The following NCKAP5L variants were observed in gnomAD, a reference collection of about 807,000 sequenced individuals.
The protein encoded by NCKAP5L is nck-associated protein 5-like.
NCKAP5L carries 54 observed loss-of-function variants against 103.2 expected under a neutral mutation model. The observed-to-expected ratio is 0.52, with a 90% CI of 0.42 to 0.66. NCKAP5L has a LOEUF of 0.66. Among genes scored for constraint, NCKAP5L ranks in the 30% least tolerant of loss-of-function variants. NCKAP5L has a pLI of 0.00. For missense variants in NCKAP5L, 1,733 were observed against 1,750.6 expected (o/e 0.99, Z 0.18); for synonymous variants, 762 against 748.6 (o/e 1.02, Z -0.29).
chr12:49,796,512 G>A lies in NCKAP5L; in HGVS notation c.1348C>T (p.Pro450Ser), dbSNP rs1426374534. 1.9e-6 allele frequency: 3 copies of A among 1,560,686 alleles called. No homozygotes were observed. Among genetic ancestry groups the A allele is most frequent in the Non-Finnish European group, 1.7e-6 (2 of 1,156,504 alleles). ...AACTTGAGACCCCTAGCTGGAGAGG[G>A]CAGAAGGGGTCCCTGAGCTTCCCCA... ...SPGEAQGPLL[P>S]SPARGLKFLK... Residue 450 changes from proline (P) to serine (S), a missense_variant, in exon 8 of 13, where the codon CCC (proline) becomes TCC (serine). By Grantham distance (74) the Pro-to-Ser change is moderately conservative. Transcript: ENST00000335999.
chr12:49,810,594 C>T (rs1257982983), intron 1 of NCKAP5L, among the ~76,000 whole-genome samples: 1 of 152,212 alleles, frequency 6.6e-6, no homozygotes. Flanking sequence ...CTCTCATTCT[C>T]TCCTGAGTGT....
In NCKAP5L at chr12:49,795,965, T is replaced by G; in HGVS notation, c.1895A>C (p.His632Pro). 6.5e-7 allele frequency: 1 copy of G among 1,535,100 alleles called. No homozygotes were observed. Among genetic ancestry groups the G allele is most frequent in the Non-Finnish European group, 8.7e-7 (1 of 1,147,740 alleles). The change falls in exon 8 of 13, where the codon CAT becomes CCT. Residue 632 changes from histidine to proline, a missense_variant. Coordinates refer to ENST00000335999, the MANE Select transcript of NCKAP5L (RefSeq NM_001037806.4). ...SLDKAGSESP[H>P]PGRRTPGNSS... ...GTTGCCTGGGGTCCTGCGGCCGGGATGGGGAGACTCCGAGCCTGCCTTGTC... is the reference window on the plus strand; with the variant it reads ...GTTGCCTGGGGTCCTGCGGCCGGGAGGGGGAGACTCCGAGCCTGCCTTGTC...
In NCKAP5L at chr12:49,795,697, G is replaced by A; in HGVS notation, c.2163C>T (p.Ala721=). The change falls in exon 8 of 13, where the codon GCC becomes GCT. Residue 721 remains alanine, a synonymous_variant. Coordinates refer to ENST00000335999, the MANE Select transcript of NCKAP5L (RefSeq NM_001037806.4). ...SIHRPLEQLE[A]KGGIRGAVAL... ...CCACTGCCCCCCGTATCCCCCCCTT[G>A]GCTTCTAGCTGCTCCAGTGGCCTGT... 6.2e-7 allele frequency: 1 copy of A among 1,611,642 alleles called. No individual in the cohort carries two copies. The highest frequency in any genetic ancestry group is 8.5e-7 in the Non-Finnish European group (1 of 1,179,022).
chr12:49,794,118 G>A (rs1029285078), intron 8 of NCKAP5L, among the ~76,000 whole-genome samples: 1 of 152,204 alleles, frequency 6.6e-6, no homozygotes, highest in Non-Finnish European at 1.5e-5. Context: ...GGAGAAGATG[G>A]GAGAACTCCC....
rs1377753695 is a variant in NCKAP5L at position 49,808,660 on chromosome 12, G to A, written c.-98-2619C>T. ...TGCCTGCCTCTCATGGGGGATGCCT[G>A]CCCAGGCAGGCTTCGCAGTGGTGGT... is the stretch of plus-strand genomic sequence containing the variant. On this transcript the variant is annotated intron_variant, in intron 1 of 12. Transcript: ENST00000335999. Among the ~76,000 whole-genome samples the A allele has an allele frequency of 2.0e-5, 3 of 152,202 alleles. No individual in the cohort carries two copies. The East Asian group carries it at 5.8e-4, about 29-fold the overall frequency.
At chr12:49,821,808 T>C (rs201266040) in intron 1 of NCKAP5L, among the ~76,000 whole-genome samples, 2 of 152,358 alleles carry the variant, frequency 1.3e-5, no homozygotes, top group African/African-American at 4.8e-5. Context: ...AGGCCGCTCA[T>C]ATAGCTTGAG....
chr12:49,803,221 C>T (rs1946141086), intron 3 of NCKAP5L, 56 bp from the exon 4 acceptor site: 2 of 1,573,436 alleles, frequency 1.3e-6, no homozygotes, highest in Non-Finnish European at 1.7e-6. Flanking sequence ...TTATTCTTCC[C>T]CCAGGGCACA....
intron 1 of NCKAP5L, among the ~76,000 whole-genome samples, chr12:49,811,980 C>T (rs551625359): frequency 6.6e-6 from 1 of 152,282 alleles, no homozygotes; most frequent in South Asian, 2.1e-4. Flanking sequence ...TTTTTCAGTC[C>T]TCATTGCCAT....
chr12:49,792,932 G>T lies in NCKAP5L; in HGVS notation c.3395C>A (p.Pro1132Gln). 6.4e-7 allele frequency: 1 copy of T among 1,558,034 alleles called. No individual in the cohort carries two copies. Among genetic ancestry groups the T allele is most frequent in the South Asian group, 1.2e-5 (1 of 83,786 alleles). Residue 1132 changes from proline to glutamine, a missense_variant, in exon 11 of 13, where the codon CCA (proline) becomes CAA (glutamine). By Grantham distance (76) the Pro-to-Gln change is moderately conservative. Transcript: ENST00000335999. The surrounding 1 kb of genome is among the most constrained non-coding windows in gnomAD (Gnocchi z 4.5). ...GGGGGTCCCACTGCTACCATGGTCT[G>T]GGGGTGGGAAGGTCCCAATGCCACT... is the stretch of plus-strand genomic sequence containing the variant. ...LDSGIGTFPP[P>Q]DHGSSGTPSK...
chr12:49,819,601 T>C lies in NCKAP5L; in HGVS notation c.-99+8721A>G, dbSNP rs553642890. On this transcript the variant is annotated intron_variant, in intron 1 of 12. Transcript: ENST00000335999. Reference sequence around the variant, plus strand: ...CAGACAAATACCACGTGATCTCATATGTGGATTCTAAAAAGTTGAATGCAT... The same window carrying C: ...CAGACAAATACCACGTGATCTCATACGTGGATTCTAAAAAGTTGAATGCAT... 2.6e-5 allele frequency among the ~76,000 whole-genome samples: 4 copies of C among 152,244 alleles called. No individual in the cohort carries two copies. The South Asian group carries it at 8.3e-4, about 32-fold the overall frequency.
Position 49,796,286 on chromosome 12 carries a change from G to GGTGAA in NCKAP5L, c.1569_1573dup (p.Pro525LeufsTer65), listed in dbSNP as rs1402553433. The GGTGAA allele has an allele frequency of 6.5e-7, 1 of 1,549,044 alleles. No individual in the cohort carries two copies. The highest frequency in any genetic ancestry group is 1.9e-5 in the Admixed American group (1 of 51,854). The stretch of plus-strand genomic sequence containing the variant: ...TGTGGAGTCTGGGGTTGTGTAGCAG[G>GGTGAA]GTGAAGGGCTGGTGGGCAGGCCTTG... On this transcript the variant is annotated frameshift_variant, in exon 8 of 13. Coordinates refer to ENST00000335999, the MANE Select transcript of NCKAP5L (RefSeq NM_001037806.4). LOFTEE classifies it high-confidence loss of function.
At chr12:49,818,882 A>G (rs1183463509) in intron 1 of NCKAP5L, among the ~76,000 whole-genome samples, 1 of 152,130 alleles carries the variant, frequency 6.6e-6, no homozygotes, top group Non-Finnish European at 1.5e-5. Context: ...ACTATGGTAA[A>G]TAGTATGGAA....
rs150531984 is a variant in NCKAP5L, at chr12:49,824,600, C to T, written c.-99+3722G>A. 8.6e-3 allele frequency among the ~76,000 whole-genome samples: 1,304 copies of T among 152,344 alleles called. 10 individuals are homozygous for T. Among genetic ancestry groups the T allele is most frequent in the Middle Eastern group, 0.017 (5 of 294 alleles). On this transcript the variant is annotated intron_variant, in intron 1 of 12. Coordinates refer to ENST00000335999, the MANE Select transcript of NCKAP5L (RefSeq NM_001037806.4). ...ATCCTAAGAGACCAACGACCTTTTC[C>T]CACTGTGTCCCCGGAGGGAACCAGT...
rs1332286891 is a variant in NCKAP5L, at chr12:49,791,411, A to G, written c.*428T>C. The G allele has an allele frequency of 6.3e-6, 1 of 159,858 alleles. No individual in the cohort carries two copies. Among genetic ancestry groups the G allele is most frequent in the African/African-American group, 2.4e-5 (1 of 41,722 alleles). The allele number at this position is 159,858 out of a possible 1,614,324, so 9.9% of individuals were successfully genotyped here. ...AGGCAACTTGTCCCCCTGGCCCCCA[A>G]ACTCCACCAGCACGGGGGCCTCCAG... On this transcript the variant is annotated 3_prime_UTR_variant, in exon 13 of 13. Transcript: ENST00000335999.
chr12:49,803,065 C>T lies in NCKAP5L; in HGVS notation c.192+32G>A, dbSNP rs200036407. On this transcript the variant is annotated intron_variant, in intron 4 of 12. Transcript: ENST00000335999. ...GCTTCTGCCAGGAGCAGATGAGCCACATCCCCCCAGTCCCACTACAGACCC... is the reference window on the plus strand; with the variant it reads ...GCTTCTGCCAGGAGCAGATGAGCCATATCCCCCCAGTCCCACTACAGACCC... 759 of 1,614,262 alleles carry T rather than the reference C, an allele frequency of 4.7e-4. 2 individuals are homozygous for T. Among genetic ancestry groups the T allele is most frequent in the Non-Finnish European group, 5.8e-4 (682 of 1,180,028 alleles).
intron 1 of NCKAP5L, among the ~76,000 whole-genome samples, chr12:49,816,787 A>G (rs1946303363): frequency 6.9e-6 from 1 of 144,802 alleles, no homozygotes; most frequent in Admixed American, 6.9e-5. Context: ...ACAGAGTGAG[A>G]GTCTGTCTCA....
chr12:49,795,344 G>A lies in NCKAP5L; in HGVS notation c.2516C>T (p.Ser839Phe). 6.5e-7 allele frequency: 1 copy of A among 1,539,824 alleles called. No individual in the cohort carries two copies. Among genetic ancestry groups the A allele is most frequent in the African/African-American group, 1.4e-5 (1 of 72,282 alleles). Residue 839 changes from serine (S) to phenylalanine (F), a missense_variant, in exon 8 of 13, where the codon TCC becomes TTC. Transcript: ENST00000335999. ...GCCCTTCCCTTTGTCAGGCTTGGGG[G>A]ACTCCTTGGTGACTAGCGGAGCCCC... ...RPGAPLVTKE[S>F]PKPDKGKGPP...
intron 3 of NCKAP5L, among the ~76,000 whole-genome samples, chr12:49,803,540 C>A (rs1340617417): frequency 6.6e-6 from 1 of 152,014 alleles, no homozygotes; most frequent in East Asian, 1.9e-4. Flanking sequence ...GGGGTGTGGT[C>A]TGAGGATCTG....
Position 49,819,488 on chromosome 12 carries a change from T to C in NCKAP5L, c.-99+8834A>G, listed in dbSNP as rs1403026633. On this transcript the variant is annotated intron_variant, in intron 1 of 12. Transcript: ENST00000335999. ...GCTATATACACATAATAGGACACTA[T>C]TCAGTCCTAAAAAAGGAGGAAATCC... 2.6e-5 allele frequency among the ~76,000 whole-genome samples: 4 copies of C among 152,198 alleles called. No homozygotes were observed. The South Asian group carries it at 8.3e-4, about 31-fold the overall frequency.
Sources: gnomAD v4.1 joint callset for allele counts (sites outside exome capture counted in the v4.1 genomes callset) on GRCh38, gnomAD v4.1.1 for gene constraint, Gnocchi (gnomAD v3.1) non-coding constraint, MANE v1.5 for transcripts, NCBI Gene and HGNC (gene_info 2026-07-23, HGNC 2026-07-21) for gene names.